STX1A: variants seen among roughly 807,000 people sequenced by gnomAD.
STX1A encodes syntaxin 1A.
Under a neutral mutation model 37.8 loss-of-function variants are expected in STX1A, and 4 were observed. That is an observed-to-expected ratio of 0.11 (90% CI 0.05 to 0.24). STX1A has a LOEUF of 0.24. STX1A is among the 10% of genes least tolerant of loss of function. STX1A has a pLI of 1.00. For missense variants in STX1A, 251 were observed against 399.9 expected (o/e 0.63, Z 3.18); for synonymous variants, 135 against 147.4 (o/e 0.92, Z 0.61).
chr7:73,707,428 G>C (rs1367426356), intron 3 of STX1A, among the ~76,000 whole-genome samples: 1 of 152,166 alleles, frequency 6.6e-6, no homozygotes, highest in African/African-American at 2.4e-5. Flanking sequence ...AGCTCTGCCT[G>C]CTTGGCCAGC....
chr7:73,704,447 G>A (rs782136591), intron 4 of STX1A, 24 bp from the exon 5 acceptor site: 1 of 1,613,844 alleles, frequency 6.2e-7, no homozygotes, highest in Non-Finnish European at 8.5e-7. Context: ...TGGCTGCTAA[G>A]TCATAACCAG....
At chr7:73,715,912 T>G (rs1392547362) in intron 1 of STX1A, among the ~76,000 whole-genome samples, 2 of 152,214 alleles carry the variant, frequency 1.3e-5, no homozygotes, top group Non-Finnish European at 2.9e-5. Flanking sequence ...TCACCCTGTC[T>G]CCAGCCTCCA....
chr7:73,700,522 T>C lies in STX1A; in HGVS notation c.790-38A>G. 9.3e-6 allele frequency: 15 copies of C among 1,610,012 alleles called. No individual in the cohort carries two copies. The highest frequency in any genetic ancestry group is 1.3e-5 in the Non-Finnish European group (15 of 1,177,960). The stretch of plus-strand genomic sequence containing the variant: ...CGGGCAGGAGAGGCCTCAGACAGTG[T>C]TGGCGGCAGGTGGGGTGGGACTATG... On this transcript the variant is annotated intron_variant, in intron 9 of 9. Transcript: ENST00000222812. This position sits in a 1 kb window ranked among gnomAD's most constrained non-coding sequence, Gnocchi z 4.4.
rs930069422 is a variant in STX1A at position 73,702,615 on chromosome 7, G to A, written c.678+230C>T. The A allele has an allele frequency of 6.0e-6, 8 of 1,331,482 alleles. No individual in the cohort carries two copies. The African/African-American group carries it at 1.0e-4, about 17-fold the overall frequency. 82.5% of individuals were successfully genotyped at this position (1,331,482 alleles called of 1,614,324 possible). ...GAATGAGAGACGGCGGGGTATAGAG[G>A]GTGGGGCCATGCAGGGCCTGGGGTC... On this transcript the variant is annotated intron_variant, in intron 8 of 9. Coordinates refer to ENST00000222812, the MANE Select transcript of STX1A (RefSeq NM_004603.4). This position sits in a 1 kb window ranked among gnomAD's most constrained non-coding sequence, Gnocchi z 4.7.
At chr7:73,712,124 T>C (rs1186090497) in intron 1 of STX1A, among the ~76,000 whole-genome samples, 3 of 152,024 alleles carry the variant, frequency 2.0e-5, no homozygotes, top group South Asian at 2.1e-4. Context: ...GGCATTGAGA[T>C]TGGCCCCAAA....
At position 73,702,762 on chromosome 7, in the gene STX1A, G is replaced by C. The variant is rs782736497; in HGVS notation, c.678+83C>G. ...CTTGGTCCCTCCCCGGCAGGGCAGC[G>C]TGTCGGGCAGAAAGGGCGAGGTTAG... On this transcript the variant is annotated intron_variant, in intron 8 of 9. Coordinates refer to ENST00000222812, the MANE Select transcript of STX1A (RefSeq NM_004603.4). This position sits in a 1 kb window ranked among gnomAD's most constrained non-coding sequence, Gnocchi z 4.7. 6.2e-7 allele frequency: 1 copy of C among 1,601,464 alleles called. No individual in the cohort carries two copies. The highest frequency in any genetic ancestry group is 8.5e-7 in the Non-Finnish European group (1 of 1,171,016).
chr7:73,702,809 G>A lies in STX1A; in HGVS notation c.678+36C>T. The stretch of plus-strand genomic sequence containing the variant: ...TTAGTGCAGCCCTGGGTGCTGGTGT[G>A]GGCTGGAGTGGAGGGCAGGGGGGCC... On this transcript the variant is annotated intron_variant, in intron 8 of 9. Coordinates refer to ENST00000222812, the MANE Select transcript of STX1A (RefSeq NM_004603.4). This position sits in a 1 kb window ranked among gnomAD's most constrained non-coding sequence, Gnocchi z 4.7. The A allele has an allele frequency of 6.2e-7, 1 of 1,613,752 alleles. No individual in the cohort carries two copies. Among genetic ancestry groups the A allele is most frequent in the African/African-American group, 1.3e-5 (1 of 75,056 alleles).
rs781951622 is a variant in STX1A at position 73,708,596 on chromosome 7, G to A, written c.201C>T (p.Pro67=). 4.3e-6 allele frequency: 7 copies of A among 1,613,738 alleles called. No individual in the cohort carries two copies. In the Admixed American group the frequency reaches 8.3e-5, roughly 19 times the overall value. The change falls in exon 3 of 10, where the codon CCC becomes CCT. Residue 67 remains proline (P), a synonymous_variant. Transcript: ENST00000222812. The part of the protein sequence containing the change: ...KHSAILASPN[P]DEKTKEELEE... Reference sequence around the variant, plus strand: ...CCCGCCCCACACACTCACTCTCATCGGGGTTGGGGGATGCCAGGATGGCAC... The same window carrying A: ...CCCGCCCCACACACTCACTCTCATCAGGGTTGGGGGATGCCAGGATGGCAC...
At position 73,709,204 on chromosome 7, in the gene STX1A, G is replaced by A; in HGVS notation, c.31-82C>T. The A allele has an allele frequency of 6.9e-7, 1 of 1,441,080 alleles. No homozygotes were observed. The highest frequency in any genetic ancestry group is 1.2e-5 in the South Asian group (1 of 86,700). The allele number at this position is 1,441,080 out of a possible 1,614,324, so 89.3% of individuals were successfully genotyped here. A position where few individuals can be genotyped will look rare whatever the true frequency, so the allele number is the denominator to read the frequency against. Reference sequence around the variant, plus strand: ...CGCAGGTGCCCAGGGTACAGCGCCAGGGCCCTGCCCCTCCCCCTCTCCCTG... The same window carrying A: ...CGCAGGTGCCCAGGGTACAGCGCCAAGGCCCTGCCCCTCCCCCTCTCCCTG... On this transcript the variant is annotated intron_variant, in intron 1 of 9. Transcript: ENST00000222812. The surrounding 1 kb of genome is among the most constrained non-coding windows in gnomAD (Gnocchi z 4.2).
In STX1A at chr7:73,703,769, T is replaced by A; in HGVS notation, c.526A>T (p.Ile176Phe). The A allele has an allele frequency of 6.2e-7, 1 of 1,613,864 alleles. No individual in the cohort carries two copies. The change falls in exon 7 of 10, where the codon ATC becomes TTC. Residue 176 changes from isoleucine to phenylalanine, a missense_variant. Physicochemically the swap from Ile to Phe is conservative, Grantham distance 21 (BLOSUM62 0). Transcript: ENST00000222812. The part of the protein sequence containing the change: ...EDMLESGNPA[I>F]FASGIIMDSS... Reference sequence around the variant, plus strand: ...CCTACACTCACCCCAGAGGCAAAGATGGCGGGGTTCCCACTCTCCAGCATG... The same window carrying A: ...CCTACACTCACCCCAGAGGCAAAGAAGGCGGGGTTCCCACTCTCCAGCATG...
intron 3 of STX1A, among the ~76,000 whole-genome samples, chr7:73,707,085 C>T (rs941127159): frequency 6.6e-6 from 1 of 152,112 alleles, no homozygotes; most frequent in Non-Finnish European, 1.5e-5. Context: ...ACCAGGAGGC[C>T]GTGCTGGAGG....
chr7:73,708,290 G>GA (rs145729144), intron 3 of STX1A, among the ~76,000 whole-genome samples: 7,827 of 147,610 alleles, frequency 0.053, 363 homozygotes, highest in African/African-American at 0.12. Context: ...AAGAAAAAAA[G>GA]AAAAAAAAGG....
intron 3 of STX1A, 44 bp downstream of exon 3, chr7:73,708,545 A>T: frequency 6.3e-7 from 1 of 1,578,424 alleles, no homozygotes; most frequent in Non-Finnish European, 8.6e-7. Context: ...CCCCTTCCCG[A>T]GGCTTGTGGG....
At chr7:73,708,781 C>T in intron 2 of STX1A, 93 bp from the exon 3 acceptor site, 2 of 1,387,314 alleles carry the variant, frequency 1.4e-6, no homozygotes, top group Non-Finnish European at 2.0e-6. Context: ...GCGGTCAGGG[C>T]TCAGGGGGAG....
chr7:73,714,398 G>A (rs993120420), intron 1 of STX1A, among the ~76,000 whole-genome samples: 7 of 152,022 alleles, frequency 4.6e-5, no homozygotes, highest in South Asian at 2.1e-4. Context: ...GTAAGCCACC[G>A]CGCCCAGCTC....
chr7:73,702,776 G>C lies in STX1A; in HGVS notation c.678+69C>G. On this transcript the variant is annotated intron_variant, in intron 8 of 9. Transcript: ENST00000222812. The surrounding 1 kb of genome is among the most constrained non-coding windows in gnomAD (Gnocchi z 4.7). The stretch of plus-strand genomic sequence containing the variant: ...GGCAGGGCAGCGTGTCGGGCAGAAA[G>C]GGCGAGGTTAGTGCAGCCCTGGGTG... 6.2e-7 allele frequency: 1 copy of C among 1,606,194 alleles called. No homozygotes were observed. Among genetic ancestry groups the C allele is most frequent in the Non-Finnish European group, 8.5e-7 (1 of 1,174,032 alleles).
At position 73,709,094 on chromosome 7, in the gene STX1A, A is replaced by ACAT. The variant is rs782551086; in HGVS notation, c.56_58dup (p.Asp19dup). Reference sequence around the variant, plus strand: ...GCGGTCTCGGTCCACGGTGACAGCGACATCATCATCATCATCGCTGTCCTT... The same window carrying ACAT: ...GCGGTCTCGGTCCACGGTGACAGCGACATCATCATCATCATCATCGCTGTCCTT... On this transcript the variant is annotated inframe_insertion, in exon 2 of 10. Transcript: ENST00000222812. The surrounding 1 kb of genome is among the most constrained non-coding windows in gnomAD (Gnocchi z 4.2). The ACAT allele has an allele frequency of 4.3e-6, 7 of 1,613,758 alleles. No individual in the cohort carries two copies. Among genetic ancestry groups the ACAT allele is most frequent in the East Asian group, 4.5e-5 (2 of 44,868 alleles).
intron 2 of STX1A, among the ~76,000 whole-genome samples, 166 bp downstream of exon 2, chr7:73,708,879 C>T (rs1397763059): frequency 2.0e-5 from 3 of 152,128 alleles, no homozygotes; most frequent in Non-Finnish European, 4.4e-5. Flanking sequence ...GATTTAGCTC[C>T]GCTCTGAGCT....
intron 1 of STX1A, among the ~76,000 whole-genome samples, chr7:73,719,221 A>C (rs561503715): frequency 6.4e-4 from 97 of 152,070 alleles, no homozygotes; most frequent in Non-Finnish European, 1.1e-3. Flanking sequence ...GGGGCACGGG[A>C]GGTCAGAGAT....
Sources: gnomAD v4.1 joint callset for allele counts (sites outside exome capture counted in the v4.1 genomes callset) on GRCh38, gnomAD v4.1.1 for gene constraint, Gnocchi (gnomAD v3.1) non-coding constraint, MANE v1.5 for transcripts, NCBI Gene and HGNC (gene_info 2026-07-23, HGNC 2026-07-21) for gene names.